Variants in DNAJC1 observed in about 807,000 individuals in gnomAD.
The protein encoded by DNAJC1 is dnaJ homolog subfamily C member 1.
DNAJC1 carries 58 observed loss-of-function variants against 76.6 expected under a neutral mutation model. The observed-to-expected ratio is 0.76, with a 90% confidence interval of 0.61 to 0.94. DNAJC1 has a LOEUF of 0.94. DNAJC1 is among the 40% of genes least tolerant of loss of function. DNAJC1 has a pLI of 0.00. For synonymous variants in DNAJC1, 258 were observed against 267.9 expected, an observed-to-expected ratio of 0.96 and a Z score of 0.36; for missense variants, 689 against 677.3, an observed-to-expected ratio of 1.02 and a Z score of -0.19.
At chr10:21,841,925 T>C (rs927878455) in intron 8 of DNAJC1, among the ~76,000 whole-genome samples, 1 of 151,916 alleles carries the variant, frequency 6.6e-6, no homozygotes, top group African/African-American at 2.4e-5. Flanking sequence ...CCATAAAAAA[T>C]GATGAGTTCA....
chr10:21,766,968 TAA>T (rs1275709137), intron 9 of DNAJC1, among the ~76,000 whole-genome samples: 29 of 69,872 alleles, frequency 4.2e-4, no homozygotes, highest in Non-Finnish European at 3.3e-4. Flanking sequence ...AGACCCTGCC[TAA>T]AAAAAAAAAA....
At position 21,982,714 on chromosome 10, in the gene DNAJC1, T is replaced by C. The variant is rs1182020215; in HGVS notation, c.222+20499A>G. 2.8e-5 allele frequency among the ~76,000 whole-genome samples: 4 copies of C among 142,544 alleles called. No individual in the cohort carries two copies. In the East Asian group the frequency reaches 8.1e-4, roughly 29 times the overall value. The allele number at this position is 142,544 out of a possible 152,430, so 93.5% of individuals were successfully genotyped here. A position where few individuals can be genotyped will look rare whatever the true frequency, so the allele number is the denominator to read the frequency against. On this transcript the variant is annotated intron_variant, in intron 1 of 11. Coordinates refer to ENST00000376980, the MANE Select transcript of DNAJC1 (RefSeq NM_022365.4). Reference sequence around the variant, plus strand: ...TACCTCTCACCTATTAGGATAGCTATCATAAAAAAAAAAAAAAAGTAAAAA... The same window carrying C: ...TACCTCTCACCTATTAGGATAGCTACCATAAAAAAAAAAAAAAAGTAAAAA...
chr10:21,801,959 G>C (rs1378996222), intron 9 of DNAJC1, among the ~76,000 whole-genome samples: 2 of 152,076 alleles, frequency 1.3e-5, no homozygotes, highest in Non-Finnish European at 2.9e-5. Context: ...TGAACACAAA[G>C]AAGGAAACAA....
intron 10 of DNAJC1, among the ~76,000 whole-genome samples, chr10:21,761,650 T>C (rs1015344085): frequency 6.6e-6 from 1 of 152,154 alleles, no homozygotes; most frequent in African/African-American, 2.4e-5. Context: ...TGGTCTGCTC[T>C]GTAAGAGGCA....
At chr10:21,782,350 G>A (rs1406366879) in intron 9 of DNAJC1, among the ~76,000 whole-genome samples, 8 of 151,994 alleles carry the variant, frequency 5.3e-5, no homozygotes, top group South Asian at 2.1e-4. Context: ...GGAAGAAGTC[G>A]AATCTCTGAA....
At chr10:21,993,115 CAT>C (rs111841386) in intron 1 of DNAJC1, among the ~76,000 whole-genome samples, 31 of 151,286 alleles carry the variant, frequency 2.0e-4, no homozygotes, top group African/African-American at 7.5e-4. Context: ...TTATATTTAC[CAT>C]ATATATATAC....
chr10:21,842,084 C>G (rs1299879432), intron 8 of DNAJC1, among the ~76,000 whole-genome samples: 2 of 120,046 alleles, frequency 1.7e-5, no homozygotes, highest in East Asian at 4.9e-4. Context: ...ACATCACACA[C>G]CTGGGACTGT....
At chr10:21,771,309 A>G (rs573102108) in intron 9 of DNAJC1, among the ~76,000 whole-genome samples, 7 of 152,326 alleles carry the variant, frequency 4.6e-5, no homozygotes, top group African/African-American at 1.7e-4. Flanking sequence ...TAAGACTTCA[A>G]TACAATGCTG....
At chr10:21,882,902 G>A (rs1836305104) in intron 7 of DNAJC1, among the ~76,000 whole-genome samples, 1 of 151,994 alleles carries the variant, frequency 6.6e-6, no homozygotes, top group Non-Finnish European at 1.5e-5. Flanking sequence ...AATATGATCT[G>A]GCAACATCAA....
chr10:21,898,701 T>C (rs1369165787), intron 7 of DNAJC1, among the ~76,000 whole-genome samples: 1 of 152,036 alleles, frequency 6.6e-6, no homozygotes, highest in Non-Finnish European at 1.5e-5. Flanking sequence ...TATAGACATG[T>C]GCCACCACAG....
At chr10:21,931,576 A>C (rs937567095) in intron 1 of DNAJC1, among the ~76,000 whole-genome samples, 1 of 152,202 alleles carries the variant, frequency 6.6e-6, no homozygotes, top group Non-Finnish European at 1.5e-5. Flanking sequence ...ATTTGGGCTG[A>C]GTAACTTCCC....
At position 21,759,247 on chromosome 10, in the gene DNAJC1, G is replaced by T. The variant is rs1323062767; in HGVS notation, c.1519C>A (p.Leu507Met). The change falls in exon 11 of 12, where the codon CTG (leucine) becomes ATG (methionine). Residue 507 changes from leucine to methionine, a missense_variant. By Grantham distance (15) the Leu-to-Met change is conservative. Coordinates refer to ENST00000376980, the MANE Select transcript of DNAJC1 (RefSeq NM_022365.4). ...CCCCTTGGGTACTGCTGCAACGCCAGTTCCAGAAGTTTCTGTTGATTTTGA... is the reference window on the plus strand; with the variant it reads ...CCCCTTGGGTACTGCTGCAACGCCATTTCCAGAAGTTTCTGTTGATTTTGA... ...WTQNQQKLLE[L>M]ALQQYPRGSS... 3.1e-6 allele frequency: 5 copies of T among 1,614,100 alleles called. No homozygotes were observed. In the Admixed American group the frequency reaches 5.0e-5, roughly 16 times the overall value.
intron 7 of DNAJC1, among the ~76,000 whole-genome samples, chr10:21,889,655 G>A (rs1010969398): frequency 9.2e-5 from 14 of 152,230 alleles, no homozygotes; most frequent in Admixed American, 7.2e-4. Context: ...AGTTTTCTTT[G>A]TGTTTCTTAT....
At chr10:21,914,407 C>T (rs1430997085) in intron 6 of DNAJC1, among the ~76,000 whole-genome samples, 1 of 152,162 alleles carries the variant, frequency 6.6e-6, no homozygotes, top group Non-Finnish European at 1.5e-5. Context: ...CTTGCCTAAT[C>T]ACAGAACCAC....
intron 9 of DNAJC1, among the ~76,000 whole-genome samples, chr10:21,791,968 G>A (rs1052517875): frequency 1.3e-5 from 2 of 151,954 alleles, no homozygotes; most frequent in African/African-American, 4.8e-5. Flanking sequence ...TTGATAAACC[G>A]TTAGCTTAGC....
chr10:21,998,183 G>A (rs1838449399), intron 1 of DNAJC1, among the ~76,000 whole-genome samples: 1 of 152,056 alleles, frequency 6.6e-6, no homozygotes, highest in South Asian at 2.1e-4. Context: ...CTGAGGTCAG[G>A]AGTGCAAGAT....
At chr10:21,838,844 T>G in intron 8 of DNAJC1, among the ~76,000 whole-genome samples, 1 of 152,072 alleles carries the variant, frequency 6.6e-6, no homozygotes, top group South Asian at 2.1e-4. Context: ...GACCACACAG[T>G]TGGAAGTAAA....
At chr10:21,836,617 A>G (rs1399023433) in intron 8 of DNAJC1, among the ~76,000 whole-genome samples, 7 of 152,182 alleles carry the variant, frequency 4.6e-5, no homozygotes, top group African/African-American at 1.4e-4. Flanking sequence ...GGCTCAAAAT[A>G]ATGGGATGGA....
chr10:21,762,318 A>C (rs1834250958), intron 10 of DNAJC1, among the ~76,000 whole-genome samples: 1 of 152,236 alleles, frequency 6.6e-6, no homozygotes, highest in South Asian at 2.1e-4. Flanking sequence ...GTGACATGAA[A>C]CATTCTAATG....
Sources: gnomAD v4.1 joint callset for allele counts (sites outside exome capture counted in the v4.1 genomes callset) on GRCh38, gnomAD v4.1.1 for gene constraint, MANE v1.5 for transcripts, NCBI Gene and HGNC (gene_info 2026-07-23, HGNC 2026-07-21) for gene names.